Variants in PARD3B observed in about 807,000 individuals in gnomAD.
PARD3B encodes partitioning defective 3 homolog B.
A neutral mutation model predicts 130.2 loss-of-function variants in PARD3B; 103 were observed. That is an observed-to-expected ratio of 0.79 (90% CI 0.67 to 0.93). The LOEUF (loss-of-function observed/expected upper bound fraction) is 0.93. Ranked by LOEUF, PARD3B falls within the 40% of genes least tolerant of loss-of-function variation. The pLI is 0.00. For missense variants in PARD3B, 1,609 were observed against 1,499.2 expected (o/e 1.07, Z -1.21); for synonymous variants, 583 against 553.2 (o/e 1.05, Z -0.76).
chr2:205,615,299 C>T (rs1156804534), intron 22 of PARD3B, among the ~76,000 whole-genome samples, 157 bp from the exon 23 acceptor site: 1 of 152,058 alleles, frequency 6.6e-6, no homozygotes, highest in Non-Finnish European at 1.5e-5. Flanking sequence ...AAGTTCCCTT[C>T]TCTTCTTTTT....
chr2:205,074,428 TTAA>T (rs1700918741), intron 4 of PARD3B, among the ~76,000 whole-genome samples: 1 of 152,186 alleles, frequency 6.6e-6, no homozygotes. Flanking sequence ...AAAGGAGAAC[TTAA>T]TAGTAGTTTA....
intron 1 of PARD3B, among the ~76,000 whole-genome samples, chr2:204,646,526 C>A (rs1240822841): frequency 1.3e-5 from 2 of 152,032 alleles, no homozygotes; most frequent in Non-Finnish European, 2.9e-5. Context: ...ATTATCCACT[C>A]TCTTGATGAC....
chr2:205,310,235 C>T (rs61131067), intron 18 of PARD3B, among the ~76,000 whole-genome samples: 8,087 of 151,790 alleles, frequency 0.053, 677 homozygotes, highest in African/African-American at 0.18. Context: ...CAGGGGCCCA[C>T]CACCACGCCC....
rs574474000 is a variant in PARD3B, at chr2:204,988,960, A to G, written c.394+23637A>G. Among the ~76,000 whole-genome samples, 58 of 152,326 alleles carry G rather than the reference A, an allele frequency of 3.8e-4. 1 individual carries two copies. Among genetic ancestry groups the G allele is most frequent in the African/African-American group, 1.3e-3 (54 of 41,566 alleles). On this transcript the variant is annotated intron_variant, in intron 3 of 22. Coordinates refer to ENST00000406610, the MANE Select transcript of PARD3B (RefSeq NM_001302769.2). ...TCTCTTTGTTCTTGCATTAAATGAG[A>G]AATATTTATCAGGTACTGTTCATGT...
At chr2:204,843,767 G>A (rs922961932) in intron 2 of PARD3B, among the ~76,000 whole-genome samples, 1 of 152,024 alleles carries the variant, frequency 6.6e-6, no homozygotes. Flanking sequence ...TAGATCTAAA[G>A]GTTCAACTCT....
At chr2:205,200,506 T>C (rs1478679259) in intron 15 of PARD3B, among the ~76,000 whole-genome samples, 1 of 152,008 alleles carries the variant, frequency 6.6e-6, no homozygotes, top group African/African-American at 2.4e-5. Context: ...GAGAATTGGG[T>C]GATAGATTGA....
At chr2:204,987,822 C>T (rs943366116) in intron 3 of PARD3B, among the ~76,000 whole-genome samples, 9 of 151,834 alleles carry the variant, frequency 5.9e-5, no homozygotes, top group Non-Finnish European at 1.3e-4. Context: ...ATCTGTGATT[C>T]TTATATAGGG....
intron 2 of PARD3B, among the ~76,000 whole-genome samples, chr2:204,850,628 C>A (rs956098120): frequency 6.6e-6 from 1 of 152,010 alleles, no homozygotes; most frequent in Non-Finnish European, 1.5e-5. Context: ...TATTCATATT[C>A]GCTTCGTGTT....
chr2:204,987,824 T>A (rs1693297253), intron 3 of PARD3B, among the ~76,000 whole-genome samples: 1 of 152,134 alleles, frequency 6.6e-6, no homozygotes. Flanking sequence ...CTGTGATTCT[T>A]ATATAGGGAG....
At chr2:204,883,397 TATATATA>T (rs1208574903) in intron 2 of PARD3B, among the ~76,000 whole-genome samples, 5 of 135,658 alleles carry the variant, frequency 3.7e-5, no homozygotes, top group African/African-American at 1.4e-4. Flanking sequence ...TGTGTATGTA[TATATATA>T]TTATATATAT....
In PARD3B at chr2:205,309,642, T is replaced by TA. The variant is rs2042305557; in HGVS notation, c.2630+7942dup. 2.6e-5 allele frequency among the ~76,000 whole-genome samples: 4 copies of TA among 152,194 alleles called. No homozygotes were observed. The highest frequency in any genetic ancestry group is 2.6e-4 in the Admixed American group (4 of 15,284). ...AAATTAGCCAAATTAACACTGAACC[T>TA]AGTTAAAAATCTGTCCCTTAGAAGC... On this transcript the variant is annotated intron_variant, in intron 18 of 22. Transcript: ENST00000406610. This position sits in a 1 kb window ranked among gnomAD's most constrained non-coding sequence, Gnocchi z 4.7.
At chr2:205,238,800 A>G (rs961280704) in intron 15 of PARD3B, among the ~76,000 whole-genome samples, 2 of 141,578 alleles carry the variant, frequency 1.4e-5, no homozygotes, top group African/African-American at 5.2e-5. Context: ...CCATTGCACT[A>G]CAGCCTGGGC....
intron 4 of PARD3B, among the ~76,000 whole-genome samples, chr2:205,075,717 T>G (rs1040238493): frequency 3.3e-5 from 5 of 151,690 alleles, no homozygotes; most frequent in African/African-American, 1.2e-4. Context: ...TGATAGACAT[T>G]TTTTCTGATA....
In PARD3B at chr2:205,021,662, A is replaced by G. The variant is rs987190709; in HGVS notation, c.395-25919A>G. Among the ~76,000 whole-genome samples, 2 of 149,942 alleles carry G rather than the reference A, an allele frequency of 1.3e-5. No individual in the cohort carries two copies. Among genetic ancestry groups the G allele is most frequent in the African/African-American group, 2.5e-5 (1 of 40,578 alleles). On this transcript the variant is annotated intron_variant, in intron 3 of 22. Transcript: ENST00000406610. This position sits in a 1 kb window ranked among gnomAD's most constrained non-coding sequence, Gnocchi z 4.5. ...TCTCTCTCTCTCTCTATATATATAT[A>G]TATAGTTAATCTTTTCAATGACCCT...
chr2:204,945,158 A>G (rs751776673), intron 2 of PARD3B, among the ~76,000 whole-genome samples: 5 of 152,222 alleles, frequency 3.3e-5, no homozygotes, highest in Non-Finnish European at 5.9e-5. Context: ...CAGAGTTTGC[A>G]GCAGAGAAGG....
At chr2:204,672,097 T>C (rs2036330465) in intron 1 of PARD3B, among the ~76,000 whole-genome samples, 1 of 152,210 alleles carries the variant, frequency 6.6e-6, no homozygotes, top group African/African-American at 2.4e-5. Context: ...GTAATAATGG[T>C]ATAATGATAC....
intron 1 of PARD3B, among the ~76,000 whole-genome samples, chr2:204,601,735 G>A (rs2033523740): frequency 6.6e-6 from 1 of 151,958 alleles, no homozygotes; most frequent in Non-Finnish European, 1.5e-5. Context: ...AAATCTAAAT[G>A]AAAATTTATG....
intron 19 of PARD3B, among the ~76,000 whole-genome samples, chr2:205,417,016 G>C (rs1369149015): frequency 2.6e-5 from 4 of 151,650 alleles, no homozygotes; most frequent in Non-Finnish European, 5.9e-5. Flanking sequence ...TGCCGTGTTG[G>C]TGTGCTGCAC....
chr2:205,300,643 C>A lies in PARD3B; in HGVS notation c.2299C>A (p.Pro767Thr), dbSNP rs752727863. The stretch of plus-strand genomic sequence containing the variant: ...GAAGAATGACCTTCCCTTTCACAGG[C>A]CCCGGCCGCACATGGTTCGAGGCCG... Reference protein sequence around the residue: ...VRKNDLPFHRPRPHMVRGRGC... With the variant: ...VRKNDLPFHRTRPHMVRGRGC... Residue 767 changes from proline to threonine, a missense_variant, in exon 17 of 23, where the codon CCC becomes ACC. Physicochemically the swap from Pro to Thr is conservative, Grantham distance 38 (BLOSUM62 -1). Transcript: ENST00000406610. This position sits in a 1 kb window ranked among gnomAD's most constrained non-coding sequence, Gnocchi z 4.1. 7.4e-6 allele frequency: 12 copies of A among 1,613,806 alleles called. No individual in the cohort carries two copies. The highest frequency in any genetic ancestry group is 1.0e-5 in the Non-Finnish European group (12 of 1,180,020).
Sources: gnomAD v4.1 joint callset for allele counts (sites outside exome capture counted in the v4.1 genomes callset) on GRCh38, gnomAD v4.1.1 for gene constraint, Gnocchi (gnomAD v3.1) non-coding constraint, MANE v1.5 for transcripts, NCBI Gene and HGNC (gene_info 2026-07-23, HGNC 2026-07-21) for gene names.